CACNA1I: variants seen among roughly 807,000 people sequenced by gnomAD.
The protein encoded by CACNA1I is calcium voltage-gated channel subunit alpha1 I, also known as voltage-dependent T-type calcium channel subunit alpha-1I.
CACNA1I carries 74 observed loss-of-function variants against 201.6 expected under a neutral mutation model. That is an observed-to-expected ratio of 0.37 (90% CI 0.30 to 0.45). CACNA1I has a LOEUF of 0.45. Among genes scored for constraint, CACNA1I ranks in the 20% least tolerant of loss-of-function variants. The pLI is 1.00. For synonymous variants in CACNA1I, 1,431 were observed against 1,345.2 expected (o/e 1.06, Z -1.40); for missense variants, 2,346 against 3,138.1 (o/e 0.75, Z 6.03).
At chr22:39,609,253 A>C (rs773689747) in intron 3 of CACNA1I, among the ~76,000 whole-genome samples, 1 of 152,208 alleles carries the variant, frequency 6.6e-6, no homozygotes, top group Non-Finnish European at 1.5e-5. Flanking sequence ...TAAGGGGCAG[A>C]GTCAGGAGTT....
Position 39,665,862 on chromosome 22 carries a change from C to A in CACNA1I, c.3979-19C>A. The A allele has an allele frequency of 1.2e-6, 2 of 1,613,724 alleles. No homozygotes were observed. Among genetic ancestry groups the A allele is most frequent in the Non-Finnish European group, 1.7e-6 (2 of 1,179,826 alleles). ...CAACCCTCACCTGTGAGAGCACCAA[C>A]CTCACCCCCTTTCCCCAGCTCTTCA... On this transcript the variant is annotated intron_variant, in intron 22 of 36. Coordinates refer to ENST00000402142, the MANE Select transcript of CACNA1I (RefSeq NM_021096.4). The surrounding 1 kb of genome is among the most constrained non-coding windows in gnomAD (Gnocchi z 5.5).
chr22:39,656,712 T>C (rs1934835213), intron 10 of CACNA1I: 1 of 518,904 alleles, frequency 1.9e-6, no homozygotes, highest in African/African-American at 1.9e-5. Flanking sequence ...GGAGAGCAGT[T>C]TGGAGTCCAG....
At chr22:39,651,156 C>T (rs1325255796) in intron 10 of CACNA1I, among the ~76,000 whole-genome samples, 1 of 152,210 alleles carries the variant, frequency 6.6e-6, no homozygotes, top group Non-Finnish European at 1.5e-5. Context: ...GGGGAAGTCA[C>T]TGGCCCGAGG....
chr22:39,573,901 G>A (rs1932262778), intron 1 of CACNA1I, among the ~76,000 whole-genome samples: 2 of 152,164 alleles, frequency 1.3e-5, no homozygotes, highest in Admixed American at 1.3e-4. Flanking sequence ...AAGGGGTGGG[G>A]CAGAAAGCAG....
chr22:39,647,041 G>A (rs1034078600), intron 8 of CACNA1I, among the ~76,000 whole-genome samples, 160 bp downstream of exon 8: 17 of 152,240 alleles, frequency 1.1e-4, no homozygotes, highest in Non-Finnish European at 2.5e-4. Context: ...CCCCACCTCT[G>A]CCTGCCCTCT....
At chr22:39,679,596 AG>A in intron 32 of CACNA1I, 125 bp from the exon 33 acceptor site, 1 of 1,084,534 alleles carries the variant, frequency 9.2e-7, no homozygotes, top group Non-Finnish European at 1.3e-6. Context: ...CCCTGTGATG[AG>A]GGGGTCGGTC....
Position 39,668,278 on chromosome 22 carries a change from C to T in CACNA1I, c.4105-14C>T. 6.3e-7 allele frequency: 1 copy of T among 1,584,792 alleles called. No homozygotes were observed. Among genetic ancestry groups the T allele is most frequent in the South Asian group, 1.1e-5 (1 of 90,324 alleles). ...AGTCCTCACCCCTGCATTCCGCCTC[C>T]CCATGTCTCCCAGGCTCTGATGTCC... is the stretch of plus-strand genomic sequence containing the variant. On this transcript the variant is annotated splice_polypyrimidine_tract_variant and intron_variant, in intron 23 of 36. Coordinates refer to ENST00000402142, the MANE Select transcript of CACNA1I (RefSeq NM_021096.4).
chr22:39,682,166 G>T (rs985480509), intron 34 of CACNA1I, among the ~76,000 whole-genome samples: 1 of 152,192 alleles, frequency 6.6e-6, no homozygotes, highest in Non-Finnish European at 1.5e-5. Flanking sequence ...CAAAGGGAAG[G>T]GACCCACCCA....
chr22:39,680,671 C>T (rs1935676506), intron 33 of CACNA1I, among the ~76,000 whole-genome samples: 1 of 152,218 alleles, frequency 6.6e-6, no homozygotes. Context: ...GGCAACTCAC[C>T]TGCCCTCAGG....
At position 39,658,271 on chromosome 22, in the gene CACNA1I, C is replaced by T; in HGVS notation, c.2112C>T (p.Tyr704=). 6.2e-7 allele frequency: 1 copy of T among 1,613,976 alleles called. No homozygotes were observed. The highest frequency in any genetic ancestry group is 8.5e-7 in the Non-Finnish European group (1 of 1,179,870). ...TCTTCGACTACCTGCGTAACCCCTACAACATCTTCGACAGCATCATTGTCA... is the reference window on the plus strand; with the variant it reads ...TCTTCGACTACCTGCGTAACCCCTATAACATCTTCGACAGCATCATTGTCA... ...FGLFDYLRNP[Y]NIFDSIIVII... is the part of the protein sequence containing the mutation. Residue 704 remains tyrosine (Y), a synonymous_variant, in exon 11 of 37, where the codon TAC becomes TAT. Coordinates refer to ENST00000402142, the MANE Select transcript of CACNA1I (RefSeq NM_021096.4).
chr22:39,644,273 G>T (rs1035474007), intron 7 of CACNA1I, among the ~76,000 whole-genome samples: 1 of 152,172 alleles, frequency 6.6e-6, no homozygotes, highest in African/African-American at 2.4e-5. Context: ...TGGGGTTAAG[G>T]GTGGCTAAGG....
intron 1 of CACNA1I, among the ~76,000 whole-genome samples, chr22:39,582,135 CA>C (rs1932574170): frequency 6.6e-6 from 1 of 152,162 alleles, no homozygotes; most frequent in African/African-American, 2.4e-5. Flanking sequence ...GGGAGGCTCC[CA>C]GCCCCACACA....
At chr22:39,675,895 C>T (rs894524816) in intron 29 of CACNA1I, among the ~76,000 whole-genome samples, 1 of 152,142 alleles carries the variant, frequency 6.6e-6, no homozygotes, top group South Asian at 2.1e-4. Context: ...GGAGGGGGGT[C>T]CCTGGGGGCC....
Position 39,600,610 on chromosome 22 carries a change from G to A in CACNA1I, c.439G>A (p.Gly147Arg), listed in dbSNP as rs1933004618. The A allele has an allele frequency of 4.3e-6, 7 of 1,609,506 alleles. No individual in the cohort carries two copies. Among genetic ancestry groups the A allele is most frequent in the African/African-American group, 1.3e-5 (1 of 74,860 alleles). The change falls in exon 3 of 37, where the codon GGG becomes AGG. Residue 147 changes from glycine (G) to arginine (R), a missense_variant. Around this residue, in one of 13 missense-constraint regions of CACNA1I, gnomAD observed 227 missense variants for 412.5 expected, o/e 0.55. Transcript: ENST00000402142. ...GATTTTTGGCAAGAAGTGCTACCTCGGGGACACATGGAACCGCCTGGATTT... is the reference window on the plus strand; with the variant it reads ...GATTTTTGGCAAGAAGTGCTACCTCAGGGACACATGGAACCGCCTGGATTT... ...LGIFGKKCYL[G>R]DTWNRLDFFI...
At position 39,665,844 on chromosome 22, in the gene CACNA1I, C is replaced by A. The variant is rs763755884; in HGVS notation, c.3979-37C>A. 3.7e-6 allele frequency: 6 copies of A among 1,613,418 alleles called. No individual in the cohort carries two copies. The highest frequency in any genetic ancestry group is 5.1e-6 in the Non-Finnish European group (6 of 1,179,572). On this transcript the variant is annotated intron_variant, in intron 22 of 36. Coordinates refer to ENST00000402142, the MANE Select transcript of CACNA1I (RefSeq NM_021096.4). The surrounding 1 kb of genome is among the most constrained non-coding windows in gnomAD (Gnocchi z 5.5). ...GAGTTCCTCTCTGACTTGCAACCCT[C>A]ACCTGTGAGAGCACCAACCTCACCC...
chr22:39,581,043 G>A (rs1247113664), intron 1 of CACNA1I, among the ~76,000 whole-genome samples: 4 of 152,166 alleles, frequency 2.6e-5, no homozygotes, highest in Non-Finnish European at 5.9e-5. Flanking sequence ...AGCCACACCC[G>A]AATCACACTC....
In CACNA1I at chr22:39,570,820, C is replaced by T. The variant is rs748236821; in HGVS notation, c.68C>T (p.Thr23Met). Residue 23 changes from threonine (T) to methionine (M), a missense_variant, in exon 1 of 37, where the codon ACG becomes ATG. This residue lies in a region of CACNA1I where 130 missense variants were observed against 160.7 expected (regional missense o/e 0.81). Transcript: ENST00000402142. ...CCAGCCGCTGAGCCAGGAGTCACCACGGAGCAGCCCGGACCCCGGAGCCCC... is the reference window on the plus strand; with the variant it reads ...CCAGCCGCTGAGCCAGGAGTCACCATGGAGCAGCCCGGACCCCGGAGCCCC... Reference protein sequence around the residue: ...AAPAAEPGVTTEQPGPRSPPS... With the variant: ...AAPAAEPGVTMEQPGPRSPPS... The T allele has an allele frequency of 1.9e-5, 31 of 1,613,304 alleles. No homozygotes were observed. The highest frequency in any genetic ancestry group is 1.8e-4 in the Admixed American group (11 of 59,982).
At position 39,649,086 on chromosome 22, in the gene CACNA1I, C is replaced by T. The variant is rs939807706; in HGVS notation, c.1568-415C>T. Among the ~76,000 whole-genome samples, 1 of 152,174 alleles carries T rather than the reference C, an allele frequency of 6.6e-6. No individual in the cohort carries two copies. Among genetic ancestry groups the T allele is most frequent in the Non-Finnish European group, 1.5e-5 (1 of 68,036 alleles). ...CCAAGTCCACCATGGCCTTCTCTGA[C>T]GGGGGCTGCCCCCACATTGGCCTGA... On this transcript the variant is annotated intron_variant, in intron 9 of 36. Coordinates refer to ENST00000402142, the MANE Select transcript of CACNA1I (RefSeq NM_021096.4). The surrounding 1 kb of genome is among the most constrained non-coding windows in gnomAD (Gnocchi z 7.3).
intron 7 of CACNA1I, among the ~76,000 whole-genome samples, chr22:39,645,557 C>G (rs889879394): frequency 1.3e-5 from 2 of 152,182 alleles, no homozygotes; most frequent in African/African-American, 4.8e-5. Context: ...GGGATGCCAT[C>G]TTCTTACCCG....
Sources: allele counts gnomAD v4.1 joint callset (sites outside exome capture counted in the v4.1 genomes callset), GRCh38; gene constraint gnomAD v4.1.1; regional missense constraint gnomAD v4.1.1; non-coding constraint Gnocchi (gnomAD v3.1); transcripts MANE v1.5; gene names NCBI Gene and HGNC (gene_info 2026-07-23, HGNC 2026-07-21).